The following CCDC141 variants were observed in gnomAD, a reference collection of about 807,000 sequenced individuals.
CCDC141 encodes the protein coiled-coil domain-containing protein 141.
CCDC141 carries 168 observed loss-of-function variants against 181.0 expected under a neutral mutation model. The ratio of observed to expected loss-of-function variants is 0.93; its 90% CI spans 0.82 to 1.05. The LOEUF (loss-of-function observed/expected upper bound fraction) is 1.05. CCDC141 is among the 50% of genes least tolerant of loss of function. The pLI, the probability that CCDC141 is intolerant of heterozygous loss-of-function variation, is 0.00. For synonymous variants in CCDC141, 666 were observed against 642.3 expected (o/e 1.04, Z -0.56); for missense variants, 1,902 against 1,788.5 (o/e 1.06, Z -1.14).
At chr2:179,043,866 G>A (rs780311383) in intron 2 of CCDC141, among the ~76,000 whole-genome samples, 1 of 152,162 alleles carries the variant, frequency 6.6e-6, no homozygotes, top group Non-Finnish European at 1.5e-5. Flanking sequence ...AACTATCTTT[G>A]CAGATGACAT....
chr2:179,038,276 T>C (rs2043198643), intron 2 of CCDC141, among the ~76,000 whole-genome samples: 2 of 152,112 alleles, frequency 1.3e-5, no homozygotes. Context: ...AAAGGACAAA[T>C]ATTGTGTGAT....
At chr2:178,921,863 C>A (rs1347015408) in intron 6 of CCDC141, among the ~76,000 whole-genome samples, 2 of 152,160 alleles carry the variant, frequency 1.3e-5, no homozygotes, top group Non-Finnish European at 2.9e-5. Context: ...TTGTACCATC[C>A]TTTCTTCTTC....
intron 3 of CCDC141, among the ~76,000 whole-genome samples, chr2:178,976,023 T>G (rs1691107583): frequency 6.6e-6 from 1 of 152,126 alleles, no homozygotes; most frequent in African/African-American, 2.4e-5. Flanking sequence ...TGGTCTGTCT[T>G]TTTTCTTTTT....
At chr2:178,838,260 T>G (rs1258786374) in intron 22 of CCDC141, among the ~76,000 whole-genome samples, 1 of 152,234 alleles carries the variant, frequency 6.6e-6, no homozygotes, top group Non-Finnish European at 1.5e-5. Context: ...ACATAAAATG[T>G]ACCACTTCAA....
In CCDC141 at chr2:179,050,084, C is replaced by G; in HGVS notation, c.-143G>C. ...TGATTACTCTGCCAAAAGGAAAGAA[C>G]AGGAGGTTAAAAATAGACAACCCCA... On this transcript the variant is annotated 5_prime_UTR_variant, in exon 1 of 24. Coordinates refer to ENST00000443758, the MANE Select transcript of CCDC141 (RefSeq NM_173648.4). The G allele has an allele frequency of 7.6e-7, 1 of 1,320,736 alleles. No individual in the cohort carries two copies. The highest frequency in any genetic ancestry group is 1.6e-5 in the South Asian group (1 of 62,046). The allele number at this position is 1,320,736 out of a possible 1,614,324, so 81.8% of individuals were successfully genotyped here.
At chr2:178,859,270 T>C (rs1685504430) in intron 17 of CCDC141, among the ~76,000 whole-genome samples, 2 of 152,226 alleles carry the variant, frequency 1.3e-5, no homozygotes, top group Admixed American at 1.3e-4. Context: ...CTTCAGCGAT[T>C]GAAAAATCTT....
intron 2 of CCDC141, among the ~76,000 whole-genome samples, chr2:179,015,079 T>TATATATA (rs1553502692): frequency 1.2e-4 from 3 of 25,258 alleles, no homozygotes; most frequent in African/African-American, 3.7e-4. Context: ...TATATATATA[T>TATATATA]ATATATATAT....
At chr2:179,003,243 G>C (rs1025647442) in intron 2 of CCDC141, among the ~76,000 whole-genome samples, 4 of 152,092 alleles carry the variant, frequency 2.6e-5, no homozygotes, top group African/African-American at 7.2e-5. Context: ...CATGCACATT[G>C]AGCTGTTTCT....
At chr2:178,923,182 G>A (rs1024621012) in intron 6 of CCDC141, among the ~76,000 whole-genome samples, 2 of 145,632 alleles carry the variant, frequency 1.4e-5, no homozygotes, top group Admixed American at 1.4e-4. Flanking sequence ...TCGGCTCACT[G>A]CAAGCTCCGC....
At chr2:178,980,756 C>A (rs568705796) in intron 2 of CCDC141, among the ~76,000 whole-genome samples, 102 of 152,212 alleles carry the variant, frequency 6.7e-4, no homozygotes, top group African/African-American at 2.3e-3. Flanking sequence ...AGTGATATGT[C>A]AATTAGCTCA....
intron 2 of CCDC141, among the ~76,000 whole-genome samples, chr2:179,009,323 G>A (rs2042198886): frequency 6.6e-6 from 1 of 152,034 alleles, no homozygotes; most frequent in Non-Finnish European, 1.5e-5. Flanking sequence ...CTCCCCCCTG[G>A]GGGTTGAAAA....
At chr2:178,860,767 G>A (rs1227694238) in intron 17 of CCDC141, among the ~76,000 whole-genome samples, 1 of 151,772 alleles carries the variant, frequency 6.6e-6, no homozygotes, top group Non-Finnish European at 1.5e-5. Context: ...GCCGCTAGCG[G>A]CTGAAAGTGG....
In CCDC141 at chr2:178,872,219, G is replaced by T; in HGVS notation, c.1993C>A (p.Leu665Ile). 6.2e-7 allele frequency: 1 copy of T among 1,614,004 alleles called. No individual in the cohort carries two copies. Among genetic ancestry groups the T allele is most frequent in the Admixed American group, 1.7e-5 (1 of 59,996 alleles). ...NQKAEREELS[L>I]LRLAWQLKAT... ...TTAAGCTGCCATGCCAGCCGAAGGAGGCTAAGTTCTTCCCGTTCTGCTTTC... is the reference window on the plus strand; with the variant it reads ...TTAAGCTGCCATGCCAGCCGAAGGATGCTAAGTTCTTCCCGTTCTGCTTTC... Residue 665 changes from leucine to isoleucine, a missense_variant, in exon 13 of 24, where the codon CTC becomes ATC. Transcript: ENST00000443758.
At chr2:178,961,509 G>A in intron 4 of CCDC141, 26 bp from the exon 5 acceptor site, 1 of 1,518,326 alleles carries the variant, frequency 6.6e-7, no homozygotes. Context: ...AAAGAAAAAA[G>A]AATAATGATA....
At chr2:178,952,681 C>G (rs564065981) in intron 5 of CCDC141, among the ~76,000 whole-genome samples, 5 of 152,264 alleles carry the variant, frequency 3.3e-5, no homozygotes, top group East Asian at 1.9e-4. Context: ...TTGGTGTGCC[C>G]TAGAGAGAAT....
chr2:178,942,868 C>T, intron 6 of CCDC141, among the ~76,000 whole-genome samples: 1 of 152,086 alleles, frequency 6.6e-6, no homozygotes, highest in East Asian at 1.9e-4. Flanking sequence ...CTTATACCTG[C>T]AACTTAATAA....
chr2:178,881,890 G>GTCTC (rs575583072), intron 11 of CCDC141, among the ~76,000 whole-genome samples: 1,280 of 94,428 alleles, frequency 0.014, 14 homozygotes, highest in Middle Eastern at 0.029. Flanking sequence ...GTGAGACCCT[G>GTCTC]TCTCTCTCTC....
chr2:178,862,892 CATGTAAGTT>C (rs551348993), intron 17 of CCDC141, among the ~76,000 whole-genome samples: 21 of 152,142 alleles, frequency 1.4e-4, no homozygotes, highest in Admixed American at 1.3e-3. Flanking sequence ...AAGTTAAGAC[CATGTAAGTT>C]AGCTACAGCA....
At chr2:179,015,454 A>ATATGTATCTCATATATGTG (rs1553503006) in intron 2 of CCDC141, among the ~76,000 whole-genome samples, 1 of 97,114 alleles carries the variant, frequency 1.0e-5, no homozygotes, top group African/African-American at 3.8e-5. Flanking sequence ...TCATATATGT[A>ATATGTATCTCATATATGTG]CCATATATAT....
Sources: gnomAD v4.1 joint callset for allele counts (sites outside exome capture counted in the v4.1 genomes callset) on GRCh38, gnomAD v4.1.1 for gene constraint, MANE v1.5 for transcripts, NCBI Gene and HGNC (gene_info 2026-07-23, HGNC 2026-07-21) for gene names.